Variants in HOMER1 observed in about 807,000 individuals in gnomAD.
The protein encoded by HOMER1 is homer protein homolog 1.
A neutral mutation model predicts 48.9 loss-of-function variants in HOMER1; 3 were observed. The ratio of observed to expected loss-of-function variants is 0.06; its 90% CI spans 0.03 to 0.16. The LOEUF (loss-of-function observed/expected upper bound fraction) is 0.16. Among genes scored for constraint, HOMER1 ranks in the 10% least tolerant of loss-of-function variants. The pLI is 1.00. For synonymous variants in HOMER1, 134 were observed against 146.4 expected, an observed-to-expected ratio of 0.92 and a Z score of 0.61; for missense variants, 247 against 411.4, an observed-to-expected ratio of 0.60 and a Z score of 3.46.
chr5:79,486,820 T>TG (rs1190009338), intron 1 of HOMER1, among the ~76,000 whole-genome samples: 2 of 152,204 alleles, frequency 1.3e-5, no homozygotes, highest in Non-Finnish European at 2.9e-5. Flanking sequence ...TTACAAGCAA[T>TG]GGAACACTAT....
chr5:79,503,418 T>C (rs957590320), intron 1 of HOMER1, among the ~76,000 whole-genome samples: 2 of 149,820 alleles, frequency 1.3e-5, no homozygotes, highest in Non-Finnish European at 3.0e-5. Flanking sequence ...TAATCCCAGC[T>C]ACTCAGGAGG....
At chr5:79,410,589 ATTCCT>A (rs1454347338) in intron 5 of HOMER1, among the ~76,000 whole-genome samples, 2 of 151,814 alleles carry the variant, frequency 1.3e-5, no homozygotes, top group Admixed American at 6.6e-5. Context: ...TTCTTCATAT[ATTCCT>A]TTCATCAAGT....
At chr5:79,438,791 T>C (rs765061353) in intron 5 of HOMER1, among the ~76,000 whole-genome samples, 19 of 151,650 alleles carry the variant, frequency 1.3e-4, no homozygotes, top group Admixed American at 2.0e-4. Context: ...ATAAAGGAAA[T>C]GTTCACTGCA....
chr5:79,489,479 C>T (rs569374759), intron 1 of HOMER1, among the ~76,000 whole-genome samples: 1 of 152,070 alleles, frequency 6.6e-6, no homozygotes, highest in Admixed American at 6.6e-5. Context: ...ATTGCTTGAA[C>T]CCAGGAGGCG....
At chr5:79,401,336 A>ACT (rs913173900) in intron 6 of HOMER1, among the ~76,000 whole-genome samples, 5 of 152,050 alleles carry the variant, frequency 3.3e-5, no homozygotes, top group Admixed American at 6.5e-5. Flanking sequence ...TGTACAGAGT[A>ACT]CTTATTATTC....
intron 8 of HOMER1, among the ~76,000 whole-genome samples, chr5:79,391,142 G>GT (rs1291878932): frequency 2.6e-3 from 362 of 141,014 alleles, no homozygotes; most frequent in East Asian, 0.023. Context: ...TTTTTTTTTT[G>GT]TTTTTTTTTT....
rs76427205 is a variant in HOMER1, at chr5:79,446,983, A to G, written c.387+70T>C. On this transcript the variant is annotated intron_variant, in intron 4 of 8. Transcript: ENST00000334082. The stretch of plus-strand genomic sequence containing the variant: ...ATTTCTGTGTGTACTTTGGAGATTT[A>G]ATTCTGGCATGAAGGATATTATCTG... 4.2e-3 allele frequency: 4,168 copies of G among 983,538 alleles called. 98 individuals are homozygous for G. The African/African-American group carries it at 0.055, about 13-fold the overall frequency. The allele number at this position is 983,538 out of a possible 1,614,324, so 60.9% of individuals were successfully genotyped here.
At chr5:79,376,980 C>T (rs1400368384) in intron 8 of HOMER1, among the ~76,000 whole-genome samples, 3 of 152,052 alleles carry the variant, frequency 2.0e-5, no homozygotes, top group Non-Finnish European at 4.4e-5. Flanking sequence ...TGTTTCTTTT[C>T]TTTGAGACAC....
chr5:79,422,374 TC>T (rs1750125591), intron 5 of HOMER1, among the ~76,000 whole-genome samples: 2 of 152,198 alleles, frequency 1.3e-5, no homozygotes, highest in African/African-American at 4.8e-5. Flanking sequence ...TATTTTTGCA[TC>T]AAATAGTGAA....
chr5:79,376,096 C>G lies in HOMER1; in HGVS notation c.978G>C (p.Leu326=). 1 of 1,613,552 alleles carries G rather than the reference C, an allele frequency of 6.2e-7. No individual in the cohort carries two copies. Among genetic ancestry groups the G allele is most frequent in the Non-Finnish European group, 8.5e-7 (1 of 1,179,668 alleles). The part of the protein sequence containing the change: ...QNEQEAFRNN[L]KTLLEILDGK... ...CATCCAGAATTTCTAAGAGTGTCTT[C>G]AGGTTATTGCGAAAAGCTTCTTGTT... The change falls in exon 9 of 9, where the codon CTG becomes CTC. Residue 326 remains leucine (L), a synonymous_variant. Transcript: ENST00000334082.
rs1748669713 is a variant in HOMER1 at position 79,372,777 on chromosome 5, C to G, written c.*3232G>C. 1 of 152,084 alleles carries G rather than the reference C, an allele frequency of 6.6e-6. No homozygotes were observed. The highest frequency in any genetic ancestry group is 1.5e-5 in the Non-Finnish European group (1 of 68,010). The allele number at this position is 152,084 out of a possible 1,614,324, so 9.4% of individuals were successfully genotyped here. On this transcript the variant is annotated 3_prime_UTR_variant, in exon 9 of 9. Transcript: ENST00000334082. ...TGTATATGCTTCAGTTAAATAAAAA[C>G]ATGGGAGACTGTAGCCCACATGTTA... is the stretch of plus-strand genomic sequence containing the variant.
intron 1 of HOMER1, among the ~76,000 whole-genome samples, chr5:79,501,729 A>G (rs886320119): frequency 2.0e-5 from 3 of 152,232 alleles, no homozygotes; most frequent in Non-Finnish European, 4.4e-5. Context: ...AAGAGCCCCA[A>G]GGAGCTGGGG....
chr5:79,411,991 C>T (rs113782440), intron 5 of HOMER1, among the ~76,000 whole-genome samples: 3,256 of 152,056 alleles, frequency 0.021, 122 homozygotes, highest in African/African-American at 0.075. Flanking sequence ...TGGTGGCAGA[C>T]GCCTGTAATC....
chr5:79,432,826 A>G (rs184696319), intron 5 of HOMER1, among the ~76,000 whole-genome samples: 6 of 146,004 alleles, frequency 4.1e-5, no homozygotes, highest in Admixed American at 2.1e-4. Context: ...GTAAAATACT[A>G]TTGTTCACAA....
At position 79,402,269 on chromosome 5, in the gene HOMER1, G is replaced by A. The variant is rs554179198; in HGVS notation, c.528-214C>T. On this transcript the variant is annotated intron_variant, in intron 5 of 8. Coordinates refer to ENST00000334082, the MANE Select transcript of HOMER1 (RefSeq NM_004272.5). ...CAACCTCCGCCTCCTGGGTTCAAGC[G>A]ATTCTCCTGCCCCAGCCTCCTGAGT... Among the ~76,000 whole-genome samples the A allele has an allele frequency of 8.8e-4, 133 of 151,638 alleles. 1 individual carries two copies. The Middle Eastern group carries it at 0.01, about 12-fold the overall frequency.
At chr5:79,417,700 G>C (rs1749983371) in intron 5 of HOMER1, among the ~76,000 whole-genome samples, 1 of 152,134 alleles carries the variant, frequency 6.6e-6, no homozygotes, top group Non-Finnish European at 1.5e-5. Flanking sequence ...AGATAGAAAT[G>C]AATGTTTTTA....
chr5:79,399,191 G>C (rs1463831148), intron 6 of HOMER1, among the ~76,000 whole-genome samples: 2 of 152,188 alleles, frequency 1.3e-5, no homozygotes, highest in Non-Finnish European at 2.9e-5. Flanking sequence ...GACCTGGTGA[G>C]TAACCAAATT....
intron 5 of HOMER1, among the ~76,000 whole-genome samples, chr5:79,407,533 A>G (rs539827158): frequency 3.9e-5 from 6 of 152,248 alleles, no homozygotes; most frequent in Non-Finnish European, 8.8e-5. Flanking sequence ...TTAGAAATAC[A>G]GAACATAACA....
At position 79,513,615 on chromosome 5, in the gene HOMER1, G is replaced by T. The variant is rs545344290; in HGVS notation, c.-841C>A. On this transcript the variant is annotated 5_prime_UTR_variant, in exon 1 of 9. Coordinates refer to ENST00000334082, the MANE Select transcript of HOMER1 (RefSeq NM_004272.5). The stretch of plus-strand genomic sequence containing the variant: ...CCCGCCGCCGAGCACAATGGAGCCC[G>T]GCTGGTGCCCGGCCCTTCATTCGCG... 6.8e-6 allele frequency: 1 copy of T among 148,108 alleles called. No homozygotes were observed. The highest frequency in any genetic ancestry group is 2.3e-4 in the South Asian group (1 of 4,314). The allele number at this position is 148,108 out of a possible 1,614,324, so 9.2% of individuals were successfully genotyped here.
Sources: allele counts gnomAD v4.1 joint callset (sites outside exome capture counted in the v4.1 genomes callset), GRCh38; gene constraint gnomAD v4.1.1; transcripts MANE v1.5; gene names NCBI Gene and HGNC (gene_info 2026-07-23, HGNC 2026-07-21).